PALM: variants seen among roughly 807,000 people sequenced by gnomAD.
The protein encoded by PALM is paralemmin, also known as paralemmin-1.
PALM carries 18 observed loss-of-function variants against 30.7 expected under a neutral mutation model. That is an observed-to-expected ratio of 0.59 (90% confidence interval 0.41 to 0.87). The LOEUF (loss-of-function observed/expected upper bound fraction) is 0.87. PALM is among the 40% of genes least tolerant of loss of function. PALM has a pLI of 0.00. For synonymous variants in PALM, 286 were observed against 242.8 expected (o/e 1.18, Z -1.66); for missense variants, 529 against 555.4 (o/e 0.95, Z 0.48).
intron 1 of PALM, chr19:711,112 T>C: frequency 1.4e-6 from 1 of 729,304 alleles, no homozygotes; most frequent in Non-Finnish European, 1.7e-6. Context: ...GAATTTTAAA[T>C]GTCATTCAAG....
At chr19:726,985 A>ACGCCCCCCC in intron 2 of PALM, 23 bp from the exon 3 acceptor site, 3 of 945,366 alleles carry the variant, frequency 3.2e-6, no homozygotes, top group Non-Finnish European at 1.6e-6. Flanking sequence ...CCCATCCCTG[A>ACGCCCCCCC]CCCCACCCGG....
chr19:722,730 C>G (rs998300328), intron 1 of PALM: 2 of 152,264 alleles, frequency 1.3e-5, no homozygotes, highest in Non-Finnish European at 2.9e-5. Flanking sequence ...TGGGGCTGAC[C>G]GAGAACTCCA....
rs369619022 is a variant in PALM, at chr19:746,501, C to T, written c.851C>T (p.Thr284Met). The stretch of plus-strand genomic sequence containing the variant: ...GTGCAGGCACAGCCAGGCGAGGCCA[C>T]GTCCGGCCCGCCGGGGATCCAGCCC... ...TGVQAQPGEA[T>M]SGPPGIQPGQ... Residue 284 changes from threonine to methionine, a missense_variant, in exon 9 of 9, where the codon ACG (threonine) becomes ATG (methionine). Transcript: ENST00000338448. This position sits in a 1 kb window ranked among gnomAD's most constrained non-coding sequence, Gnocchi z 7.1. The T allele has an allele frequency of 1.8e-5, 29 of 1,612,176 alleles. No individual in the cohort carries two copies. The highest frequency in any genetic ancestry group is 3.3e-5 in the South Asian group (3 of 91,000).
In PALM at chr19:731,114, G is replaced by A. The variant is rs763282730; in HGVS notation, c.289G>A (p.Val97Met). The change falls in exon 5 of 9, where the codon GTG becomes ATG. Residue 97 changes from valine to methionine, a missense_variant. By Grantham distance (21) the Val-to-Met change is conservative. Transcript: ENST00000338448. Reference sequence around the variant, plus strand: ...CCCCAGGTTGGAGAAGGAAATTGAGGTGCTGGAGCGTGGAGACTCCGCCCC... The same window carrying A: ...CCCCAGGTTGGAGAAGGAAATTGAGATGCTGGAGCGTGGAGACTCCGCCCC... ...SVSRLEKEIE[V>M]LERGDSAPAT... The A allele has an allele frequency of 4.4e-6, 7 of 1,599,194 alleles. No homozygotes were observed. The African/African-American group carries it at 9.4e-5, about 21-fold the overall frequency.
At chr19:731,439 C>G (rs560076935) in intron 5 of PALM, among the ~76,000 whole-genome samples, 194 bp downstream of exon 5, 2 of 152,286 alleles carry the variant, frequency 1.3e-5, no homozygotes, top group East Asian at 3.9e-4. Context: ...TGCTGGGCCT[C>G]GGTTTCCCCA....
intron 1 of PALM, among the ~76,000 whole-genome samples, chr19:721,147 C>T (rs1451966573): frequency 4.6e-5 from 7 of 152,106 alleles, no homozygotes; most frequent in Admixed American, 6.5e-5. Context: ...AGCCAGGGGG[C>T]CCTGCAGGAG....
intron 7 of PALM, among the ~76,000 whole-genome samples, chr19:738,942 C>T (rs1048429431): frequency 7.9e-5 from 12 of 152,184 alleles, no homozygotes; most frequent in East Asian, 1.9e-4. Flanking sequence ...GAGGCTGGGC[C>T]GCACCTGGGG....
intron 1 of PALM, among the ~76,000 whole-genome samples, chr19:723,189 G>A (rs73918188): frequency 1.5e-3 from 222 of 152,272 alleles, no homozygotes; most frequent in African/African-American, 5.2e-3. Context: ...GCAGGCATCT[G>A]TGCCTCCGTG....
At chr19:723,846 T>G (rs1240733709) in intron 1 of PALM, among the ~76,000 whole-genome samples, 13 of 152,142 alleles carry the variant, frequency 8.5e-5, no homozygotes. Context: ...TCCGCTCGCA[T>G]CGGCCTCCCA....
rs1599174812 is a variant in PALM at position 747,144 on chromosome 19, A to G, written c.*330A>G. The G allele has an allele frequency of 3.5e-6, 1 of 284,200 alleles. No homozygotes were observed. 17.6% of individuals were successfully genotyped at this position (284,200 alleles called of 1,614,324 possible). A position where few individuals can be genotyped will look rare whatever the true frequency, so the allele number is the denominator to read the frequency against. On this transcript the variant is annotated 3_prime_UTR_variant, in exon 9 of 9. Transcript: ENST00000338448. ...GCCCACCGGGGTCCTGGCGGGTGGG[A>G]CCCGCAGCCTCCACGCGGCCCAGGC...
At chr19:726,247 G>C (rs1599147797) in intron 2 of PALM, 58 bp downstream of exon 2, 9 of 1,461,452 alleles carry the variant, frequency 6.2e-6, no homozygotes, top group Non-Finnish European at 8.6e-6. Context: ...GGGGGACCTG[G>C]GGTCTCGGGC....
At position 731,173 on chromosome 19, in the gene PALM, C is replaced by T. The variant is rs1415496324; in HGVS notation, c.348C>T (p.Ser116=). 6.2e-7 allele frequency: 1 copy of T among 1,609,958 alleles called. No homozygotes were observed. Among genetic ancestry groups the T allele is most frequent in the Admixed American group, 1.7e-5 (1 of 59,678 alleles). The change falls in exon 5 of 9, where the codon AGC becomes AGT. Residue 116 remains serine, a synonymous_variant. Transcript: ENST00000338448. ...ATAKENAAAP[S]PVRAPAPSPA... ...CCAAGGAGAACGCGGCGGCCCCGAG[C>T]CCAGTCCGGGCCCCAGCCCCGAGTC... is the stretch of plus-strand genomic sequence containing the variant.
In PALM at chr19:727,105, G is replaced by C; in HGVS notation, c.138+17G>C. 3.3e-6 allele frequency: 5 copies of C among 1,520,238 alleles called. No homozygotes were observed. Among genetic ancestry groups the C allele is most frequent in the Non-Finnish European group, 1.8e-6 (2 of 1,120,056 alleles). The allele number at this position is 1,520,238 out of a possible 1,614,324, so 94.2% of individuals were successfully genotyped here. On this transcript the variant is annotated intron_variant, in intron 3 of 8. Transcript: ENST00000338448. The stretch of plus-strand genomic sequence containing the variant: ...CACCTGAAGGTACGAGCGGGGCAGG[G>C]ACCCAGGGTCAGGGAGTGCAGGCGG...
At chr19:719,212 C>T in intron 1 of PALM, 3 of 985,598 alleles carry the variant, frequency 3.0e-6, no homozygotes, top group Non-Finnish European at 3.6e-6. Context: ...CACGCCCCTC[C>T]CGCCTCGGAC....
At chr19:728,992 A>C (rs2032782397) in intron 4 of PALM, among the ~76,000 whole-genome samples, 2 of 151,822 alleles carry the variant, frequency 1.3e-5, no homozygotes, top group Non-Finnish European at 1.5e-5. Flanking sequence ...CAACAGAGTG[A>C]GACTGGGTCT....
chr19:710,318 C>G (rs1405384826), intron 1 of PALM, among the ~76,000 whole-genome samples: 3 of 152,214 alleles, frequency 2.0e-5, no homozygotes, highest in Admixed American at 1.3e-4. Flanking sequence ...TTTTGAAAAC[C>G]CAGACAAAGG....
chr19:710,351 C>T (rs929187372), intron 1 of PALM, among the ~76,000 whole-genome samples: 5 of 152,188 alleles, frequency 3.3e-5, no homozygotes, highest in African/African-American at 1.2e-4. Context: ...CCCCGTCACC[C>T]CGCCCCGGGA....
chr19:722,489 A>C (rs1023606563), intron 1 of PALM: 2 of 152,358 alleles, frequency 1.3e-5, no homozygotes, highest in Middle Eastern at 3.4e-3. Context: ...TTCACCTCCC[A>C]AAATGCTGGA....
chr19:717,022 C>T (rs991335951), intron 1 of PALM, among the ~76,000 whole-genome samples: 5 of 151,960 alleles, frequency 3.3e-5, no homozygotes, highest in African/African-American at 9.7e-5. Context: ...CTCCGCCTCC[C>T]GGGTTCAAGT....
Sources: gnomAD v4.1 joint callset for allele counts (sites outside exome capture counted in the v4.1 genomes callset) on GRCh38, gnomAD v4.1.1 for gene constraint, Gnocchi (gnomAD v3.1) non-coding constraint, MANE v1.5 for transcripts, NCBI Gene and HGNC (gene_info 2026-07-23, HGNC 2026-07-21) for gene names.